GRID2: variants seen among roughly 807,000 people sequenced by gnomAD.
GRID2 encodes glutamate receptor ionotropic, delta-2.
A neutral mutation model predicts 114.8 loss-of-function variants in GRID2; 33 were observed. The observed-to-expected ratio is 0.29, with a 90% CI of 0.22 to 0.38. The LOEUF (loss-of-function observed/expected upper bound fraction) is 0.38, where lower values mean the gene tolerates loss of function less well. GRID2 is among the 10% of genes least tolerant of loss of function. GRID2 has a pLI of 1.00. For synonymous variants in GRID2, 505 were observed against 449.9 expected (o/e 1.12, Z -1.55); for missense variants, 1,184 against 1,257.7 (o/e 0.94, Z 0.89).
intron 8 of GRID2, among the ~76,000 whole-genome samples, chr4:93,389,549 T>C (rs2870703): frequency 0.69 from 105,165 of 151,980 alleles, 37,079 homozygotes; most frequent in African/African-American, 0.83. Flanking sequence ...AAATCTGCCA[T>C]GTACCAATAC....
At chr4:92,422,367 G>A (rs1731949871) in intron 1 of GRID2, among the ~76,000 whole-genome samples, 1 of 152,088 alleles carries the variant, frequency 6.6e-6, no homozygotes, top group South Asian at 2.1e-4. Context: ...GGAGTCCACT[G>A]GAGAGTTTTA....
intron 1 of GRID2, among the ~76,000 whole-genome samples, chr4:92,342,143 C>T (rs1434204066): frequency 1.3e-5 from 2 of 151,610 alleles, no homozygotes; most frequent in Non-Finnish European, 2.9e-5. Context: ...TTTGGGGAGA[C>T]AAAAAATGCA....
intron 2 of GRID2, among the ~76,000 whole-genome samples, chr4:92,851,623 A>G (rs990328422): frequency 3.3e-5 from 5 of 151,996 alleles, no homozygotes; most frequent in African/African-American, 9.7e-5. Context: ...AAACATTAGT[A>G]TATCTAAATT....
chr4:92,443,316 A>G (rs141934557), intron 1 of GRID2, among the ~76,000 whole-genome samples: 23 of 152,244 alleles, frequency 1.5e-4, no homozygotes, highest in African/African-American at 3.9e-4. Flanking sequence ...ATTGGGGTCA[A>G]GTGGCATTGC....
At chr4:92,682,244 A>C (rs766522324) in intron 2 of GRID2, among the ~76,000 whole-genome samples, 2 of 152,178 alleles carry the variant, frequency 1.3e-5, no homozygotes, top group Non-Finnish European at 2.9e-5. Flanking sequence ...AGCCAGGTCT[A>C]AGACACCTTT....
At chr4:93,431,940 A>G (rs1471926713) in intron 10 of GRID2, among the ~76,000 whole-genome samples, 3 of 152,236 alleles carry the variant, frequency 2.0e-5, no homozygotes, top group Non-Finnish European at 4.4e-5. Flanking sequence ...TAATATAATG[A>G]GAATGTGTAT....
rs1394753562 is a variant in GRID2, at chr4:92,935,292, T to C, written c.245-149703T>C. Among the ~76,000 whole-genome samples, 12 of 146,940 alleles carry C rather than the reference T, an allele frequency of 8.2e-5. 3 individuals are homozygous for C. The East Asian group carries it at 1.5e-3, about 18-fold the overall frequency. On this transcript the variant is annotated intron_variant, in intron 2 of 15. Coordinates refer to ENST00000282020, the MANE Select transcript of GRID2 (RefSeq NM_001510.4). ...AAAAAACACATGAAAAAAGGCTCAC[T>C]ATCACTGGCCATCAGAGAAATGCAA...
intron 2 of GRID2, among the ~76,000 whole-genome samples, chr4:93,060,187 A>T (rs1389504021): frequency 1.3e-5 from 2 of 152,154 alleles, no homozygotes; most frequent in Non-Finnish European, 2.9e-5. Flanking sequence ...TCCCCAGTTA[A>T]TGAGGTTAGC....
rs540188227 is a variant in GRID2, at chr4:93,557,398, C to G, written c.2193+41987C>G. 2.6e-5 allele frequency among the ~76,000 whole-genome samples: 4 copies of G among 152,190 alleles called. No homozygotes were observed. In the South Asian group the frequency reaches 8.3e-4, roughly 32 times the overall value. On this transcript the variant is annotated intron_variant, in intron 13 of 15. Coordinates refer to ENST00000282020, the MANE Select transcript of GRID2 (RefSeq NM_001510.4). ...AAATAAAGGGATGGAGGAATATTTA[C>G]CAAGCAAATGGAAAGAAAAAGAAAG...
chr4:92,658,803 AT>A (rs1732375711), intron 2 of GRID2, among the ~76,000 whole-genome samples: 1 of 136,250 alleles, frequency 7.3e-6, no homozygotes, highest in African/African-American at 3.0e-5. Context: ...GTATATATAT[AT>A]ATATATATAT....
intron 1 of GRID2, among the ~76,000 whole-genome samples, chr4:92,384,335 C>T (rs1729765024): frequency 7.1e-6 from 1 of 141,434 alleles, no homozygotes; most frequent in South Asian, 2.2e-4. Context: ...ATGTGGAGTA[C>T]AGTTTTAAAA....
chr4:92,324,885 AAT>A (rs1726513886), intron 1 of GRID2, among the ~76,000 whole-genome samples: 1 of 151,946 alleles, frequency 6.6e-6, no homozygotes, highest in African/African-American at 2.4e-5. Flanking sequence ...TTATTGAACA[AAT>A]ACCATTGTAA....
chr4:92,840,958 A>G (rs1578279418), intron 2 of GRID2, among the ~76,000 whole-genome samples: 1 of 151,992 alleles, frequency 6.6e-6, no homozygotes, highest in African/African-American at 2.4e-5. Context: ...TTTCTTCTTA[A>G]TAACTATTCC....
At chr4:92,532,136 G>C (rs1725387877) in intron 1 of GRID2, among the ~76,000 whole-genome samples, 1 of 151,878 alleles carries the variant, frequency 6.6e-6, no homozygotes, top group African/African-American at 2.4e-5. Context: ...TTTCTGTTGA[G>C]TGGGATATGT....
chr4:92,944,149 C>T (rs1283278358), intron 2 of GRID2, among the ~76,000 whole-genome samples: 1 of 152,170 alleles, frequency 6.6e-6, no homozygotes, highest in African/African-American at 2.4e-5. Flanking sequence ...TTTTCTGCTG[C>T]CTTTTGTATG....
At chr4:93,601,102 G>C (rs975385221) in intron 13 of GRID2, among the ~76,000 whole-genome samples, 4 of 152,172 alleles carry the variant, frequency 2.6e-5, no homozygotes, top group African/African-American at 9.7e-5. Context: ...ATTTTTTAAT[G>C]AAAATTCATT....
chr4:93,230,446 G>T (rs1451765576), intron 7 of GRID2, among the ~76,000 whole-genome samples: 1 of 151,956 alleles, frequency 6.6e-6, no homozygotes, highest in Non-Finnish European at 1.5e-5. Context: ...TCTGAAAAGA[G>T]GATTTTTAAA....
intron 13 of GRID2, among the ~76,000 whole-genome samples, chr4:93,538,874 A>T (rs553894860): frequency 1.4e-4 from 21 of 151,956 alleles, no homozygotes; most frequent in Admixed American, 1.2e-3. Flanking sequence ...GGGAACAGAA[A>T]AAAAAAAGAC....
intron 8 of GRID2, among the ~76,000 whole-genome samples, chr4:93,265,623 A>G (rs1000738447): frequency 6.6e-6 from 1 of 152,204 alleles, no homozygotes; most frequent in Non-Finnish European, 1.5e-5. Context: ...AACAATTCTA[A>G]CATGAAACAT....
Sources: allele counts gnomAD v4.1 joint callset (sites outside exome capture counted in the v4.1 genomes callset), GRCh38; gene constraint gnomAD v4.1.1; transcripts MANE v1.5; gene names NCBI Gene and HGNC (gene_info 2026-07-23, HGNC 2026-07-21).